The following TIAM2 variants were observed in gnomAD, a reference collection of about 807,000 sequenced individuals.
The protein encoded by TIAM2 is rho guanine nucleotide exchange factor TIAM2.
A neutral mutation model predicts 152.9 loss-of-function variants in TIAM2; 80 were observed. That is an observed-to-expected ratio of 0.52 (90% CI 0.44 to 0.63). TIAM2 has a LOEUF of 0.63. Among genes scored for constraint, TIAM2 ranks in the 30% least tolerant of loss-of-function variants. TIAM2 has a pLI of 0.00. For synonymous variants in TIAM2, 804 were observed against 838.0 expected (o/e 0.96, Z 0.70); for missense variants, 1,965 against 2,120.1 (o/e 0.93, Z 1.44).
chr6:155,034,894 T>C (rs371586451), intron 1 of TIAM2, among the ~76,000 whole-genome samples: 3 of 152,208 alleles, frequency 2.0e-5, no homozygotes, highest in South Asian at 4.1e-4. Context: ...GTGAAGTTTT[T>C]AAAAATAGAG....
chr6:155,112,481 G>T (rs569968355), intron 2 of TIAM2, among the ~76,000 whole-genome samples: 1 of 152,142 alleles, frequency 6.6e-6, no homozygotes, highest in African/African-American at 2.4e-5. Flanking sequence ...TCCATTATGG[G>T]CTTCTCCTCA....
rs202138720 is a variant in TIAM2, at chr6:155,148,302, G to A, written c.1996G>A (p.Asp666Asn). Residue 666 changes from aspartate to asparagine, a missense_variant, in exon 7 of 27, where the codon GAC (aspartate) becomes AAC (asparagine). Asp to Asn is a conservative substitution (Grantham distance 23, BLOSUM62 1). Transcript: ENST00000682666. The part of the protein sequence containing the change: ...MAELQLSVVS[D>N]PKNRKAIENQ... ...AGAGCTGCAGCTGTCCGTGGTGAGCGACCCAAAGAACAGGAAAGCCATAGA... is the reference window on the plus strand; with the variant it reads ...AGAGCTGCAGCTGTCCGTGGTGAGCAACCCAAAGAACAGGAAAGCCATAGA... The A allele has an allele frequency of 3.5e-5, 56 of 1,611,988 alleles. No individual in the cohort carries two copies. The highest frequency in any genetic ancestry group is 4.3e-5 in the Non-Finnish European group (51 of 1,179,972).
chr6:155,155,765 G>C (rs1162196153), intron 7 of TIAM2, among the ~76,000 whole-genome samples: 1 of 152,236 alleles, frequency 6.6e-6, no homozygotes, highest in Admixed American at 6.5e-5. Flanking sequence ...ATGAGCCACC[G>C]CTCCCAGCCT....
intron 2 of TIAM2, among the ~76,000 whole-genome samples, chr6:155,092,737 C>A (rs1313276072): frequency 6.6e-6 from 1 of 152,032 alleles, no homozygotes; most frequent in Non-Finnish European, 1.5e-5. Flanking sequence ...TGTCTGTAAT[C>A]CCAGCTACTT....
intron 1 of TIAM2, among the ~76,000 whole-genome samples, chr6:155,056,995 A>G (rs1451690933): frequency 7.3e-6 from 1 of 137,552 alleles, no homozygotes; most frequent in Non-Finnish European, 1.6e-5. Context: ...GTTTGCTAGT[A>G]GAATGTTCCT....
chr6:155,103,797 G>T (rs1778602534), intron 2 of TIAM2, among the ~76,000 whole-genome samples: 1 of 149,302 alleles, frequency 6.7e-6, no homozygotes, highest in Non-Finnish European at 1.5e-5. Context: ...TTGTTCTTCT[G>T]ATCTTTTTTT....
intron 1 of TIAM2, among the ~76,000 whole-genome samples, chr6:155,085,893 G>A (rs991702842): frequency 1.3e-5 from 2 of 152,162 alleles, no homozygotes; most frequent in African/African-American, 4.8e-5. Flanking sequence ...GCATAGCATT[G>A]CTTGAGTTTT....
chr6:155,104,558 C>T (rs989092168), intron 2 of TIAM2, among the ~76,000 whole-genome samples: 1 of 152,006 alleles, frequency 6.6e-6, no homozygotes, highest in Non-Finnish European at 1.5e-5. Flanking sequence ...GAGATCGAGA[C>T]CATCCTGGCT....
intron 1 of TIAM2, among the ~76,000 whole-genome samples, chr6:155,039,488 C>T (rs998803716): frequency 5.3e-5 from 8 of 151,806 alleles, no homozygotes; most frequent in East Asian, 1.9e-4. Context: ...CTGAGGAGTA[C>T]GAGAAGGTTC....
intron 9 of TIAM2, among the ~76,000 whole-genome samples, chr6:155,173,169 TTGTGTGTGTGTGTG>T (rs60356205): frequency 2.7e-5 from 4 of 146,748 alleles, no homozygotes; most frequent in South Asian, 2.2e-4. Context: ...TTTGTGAGGG[TTGTGTGTGTGTGTG>T]TGTGTGTGTG....
intron 1 of TIAM2, among the ~76,000 whole-genome samples, chr6:155,043,514 A>G (rs1777093224): frequency 6.6e-6 from 1 of 151,456 alleles, no homozygotes; most frequent in South Asian, 2.1e-4. Flanking sequence ...CGTACCTGTA[A>G]TGCTGTCTAC....
Position 155,130,204 on chromosome 6 carries a change from C to T in TIAM2, c.981C>T (p.Ala327=), listed in dbSNP as rs772183846. 1 of 1,614,160 alleles carries T rather than the reference C, an allele frequency of 6.2e-7. No individual in the cohort carries two copies. The highest frequency in any genetic ancestry group is 2.2e-5 in the East Asian group (1 of 44,886). The change falls in exon 4 of 27, where the codon GCC becomes GCT. Residue 327 remains alanine (A), a synonymous_variant. Coordinates refer to ENST00000682666, the MANE Select transcript of TIAM2 (RefSeq NM_012454.4). The part of the protein sequence containing the change: ...RLSDEYMGTH[A]SLSNRVSFAS... ...CTGATGAATACATGGGCACGCATGC[C>T]AGCCTGAGCAACCGTGTCTCTTTTG...
rs1268803769 is a variant in TIAM2, at chr6:155,256,771, A to G, written c.4756A>G (p.Lys1586Glu). Reference protein sequence around the residue: ...RQTVKQGSPTKDIEIQFQRLR... With the variant: ...RQTVKQGSPTEDIEIQFQRLR... Reference sequence around the variant, plus strand: ...GACTGTGAAGCAGGGCAGCCCTACTAAAGACATCGAAATTCAGTTCCAGAG... The same window carrying G: ...GACTGTGAAGCAGGGCAGCCCTACTGAAGACATCGAAATTCAGTTCCAGAG... The change falls in exon 27 of 27, where the codon AAA becomes GAA. Residue 1586 changes from lysine (K) to glutamate (E), a missense_variant. By Grantham distance (56) the Lys-to-Glu change is moderately conservative. This residue lies in a region of TIAM2 where 935 missense variants were observed against 980.0 expected (regional missense o/e 0.95). Coordinates refer to ENST00000682666, the MANE Select transcript of TIAM2 (RefSeq NM_012454.4). 4.3e-6 allele frequency: 7 copies of G among 1,614,170 alleles called. No homozygotes were observed. Among genetic ancestry groups the G allele is most frequent in the Non-Finnish European group, 5.9e-6 (7 of 1,180,036 alleles).
At position 155,129,106 on chromosome 6, in the gene TIAM2, T is replaced by G; in HGVS notation, c.-6-112T>G. On this transcript the variant is annotated intron_variant, in intron 3 of 26. Coordinates refer to ENST00000682666, the MANE Select transcript of TIAM2 (RefSeq NM_012454.4). The surrounding 1 kb of genome is among the most constrained non-coding windows in gnomAD (Gnocchi z 4.8). ...TCTTGTCCCTACTCCTCTGAGTCCTTCCAGGCACTGAAGTTGCTGTGTAAT... is the reference window on the plus strand; with the variant it reads ...TCTTGTCCCTACTCCTCTGAGTCCTGCCAGGCACTGAAGTTGCTGTGTAAT... The G allele has an allele frequency of 1.0e-6, 1 of 982,652 alleles. No homozygotes were observed. Among genetic ancestry groups the G allele is most frequent in the East Asian group, 2.6e-5 (1 of 38,320 alleles). 60.9% of individuals were successfully genotyped at this position (982,652 alleles called of 1,614,324 possible).
chr6:155,052,637 G>A (rs889048089), intron 1 of TIAM2, among the ~76,000 whole-genome samples: 48 of 151,890 alleles, frequency 3.2e-4, no homozygotes, highest in African/African-American at 1.0e-3. Flanking sequence ...ATGGTGGTGC[G>A]TGCCTGTAAT....
chr6:155,138,896 G>A (rs538770382), intron 5 of TIAM2, among the ~76,000 whole-genome samples: 3 of 151,838 alleles, frequency 2.0e-5, no homozygotes, highest in Non-Finnish European at 4.4e-5. Context: ...AATTTGTTTT[G>A]TTGACATGAG....
chr6:155,256,489 T>G lies in TIAM2; in HGVS notation c.4474T>G (p.Ser1492Ala). Reference protein sequence around the residue: ...RVPVSAKLASSRSLKVLKNSS... With the variant: ...RVPVSAKLASARSLKVLKNSS... ...ATGTGTTTTTCTCACTGTAGCTTCA[T>G]CCAGGTCTTTAAAAGTCCTGAAGAA... is the stretch of plus-strand genomic sequence containing the variant. Residue 1492 changes from serine to alanine, a missense_variant, in exon 27 of 27, where the codon TCC becomes GCC. By Grantham distance (99) the Ser-to-Ala change is moderately conservative (BLOSUM62 1). Coordinates refer to ENST00000682666, the MANE Select transcript of TIAM2 (RefSeq NM_012454.4). 4 of 1,614,208 alleles carry G rather than the reference T, an allele frequency of 2.5e-6. No homozygotes were observed. The highest frequency in any genetic ancestry group is 3.4e-6 in the Non-Finnish European group (4 of 1,180,040).
intron 15 of TIAM2, among the ~76,000 whole-genome samples, chr6:155,225,775 A>T (rs1371597882): frequency 1.3e-5 from 2 of 152,244 alleles, no homozygotes; most frequent in Admixed American, 6.5e-5. Context: ...ATAAATACTT[A>T]TATAAATAAA....
chr6:155,240,032 C>T (rs1389456035), intron 15 of TIAM2, among the ~76,000 whole-genome samples: 1 of 152,230 alleles, frequency 6.6e-6, no homozygotes, highest in African/African-American at 2.4e-5. Flanking sequence ...ACTCCTGGCC[C>T]ACTGTGGCCA....
Sources: allele counts gnomAD v4.1 joint callset (sites outside exome capture counted in the v4.1 genomes callset), GRCh38; gene constraint gnomAD v4.1.1; regional missense constraint gnomAD v4.1.1; non-coding constraint Gnocchi (gnomAD v3.1); transcripts MANE v1.5; gene names NCBI Gene and HGNC (gene_info 2026-07-23, HGNC 2026-07-21).